Variants in ABCC8 observed in about 807,000 individuals in gnomAD.
The protein encoded by ABCC8 is ATP binding cassette subfamily C member 8.
A neutral mutation model predicts 188.0 loss-of-function variants in ABCC8; 137 were observed. The observed-to-expected ratio is 0.73, with a 90% CI of 0.63 to 0.84. The LOEUF is 0.84. ABCC8 is among the 40% of genes least tolerant of loss of function. ABCC8 has a pLI of 0.00. For synonymous variants in ABCC8, 797 were observed against 846.5 expected (o/e 0.94, Z 1.01); for missense variants, 1,750 against 2,072.7 (o/e 0.84, Z 3.02).
At position 17,407,098 on chromosome 11, in the gene ABCC8, G is replaced by T. The variant is rs746987736; in HGVS notation, c.2952C>A (p.Asn984Lys). 1 of 1,613,524 alleles carries T rather than the reference G, an allele frequency of 6.2e-7. No homozygotes were observed. The highest frequency in any genetic ancestry group is 8.5e-7 in the Non-Finnish European group (1 of 1,180,020). Residue 984 changes from asparagine to lysine, a missense_variant, in exon 25 of 39, where the codon AAC becomes AAA. Asn to Lys is a moderately conservative substitution (Grantham distance 94, BLOSUM62 0). Coordinates refer to ENST00000389817, the MANE Select transcript of ABCC8 (RefSeq NM_000352.6). ...CACGCTGGTGCAGCATGGACGACAG[G>T]TTGTCATCCTCCTCGCTCTCAGCTG... ...EEAAESEEDD[N>K]LSSMLHQRAE...
Position 17,397,739 on chromosome 11 carries a change from A to C in ABCC8, c.3812T>G (p.Leu1271Arg), listed in dbSNP as rs778043835. The C allele has an allele frequency of 1.2e-6, 2 of 1,613,848 alleles. No homozygotes were observed. Among genetic ancestry groups the C allele is most frequent in the Non-Finnish European group, 1.7e-6 (2 of 1,179,984 alleles). The change falls in exon 31 of 39, where the codon CTG becomes CGG. Residue 1271 changes from leucine (L) to arginine (R), a missense_variant. Coordinates refer to ENST00000389817, the MANE Select transcript of ABCC8 (RefSeq NM_000352.6). ...IAAVTSISNSLHRELSAGLVG... is the reference protein window; with the variant it reads ...IAAVTSISNSRHRELSAGLVG... The stretch of plus-strand genomic sequence containing the variant: ...CAGGCCAGCAGAGAGCTCCCTGTGC[A>C]GGGAGTTGGAGATGGAGGTCACCGC...
chr11:17,412,677 C>G lies in ABCC8; in HGVS notation c.2545G>C (p.Val849Leu). 1 of 1,611,552 alleles carries G rather than the reference C, an allele frequency of 6.2e-7. No individual in the cohort carries two copies. Among genetic ancestry groups the G allele is most frequent in the Non-Finnish European group, 8.5e-7 (1 of 1,178,816 alleles). ...GAACTTGCACTCACCAAGAAGACAA[C>G]GTTGGCGTGCTGGTAGAGGGCTCGG... Reference protein sequence around the residue: ...VARALYQHANVVFLDDPFSAL... With the variant: ...VARALYQHANLVFLDDPFSAL... Residue 849 changes from valine to leucine, a missense_variant, in exon 21 of 39, where the codon GTT (valine) becomes CTT (leucine). Physicochemically the swap from Val to Leu is conservative, Grantham distance 32. Coordinates refer to ENST00000389817, the MANE Select transcript of ABCC8 (RefSeq NM_000352.6).
intron 33 of ABCC8, 153 bp downstream of exon 33, chr11:17,396,763 C>T (rs1166997324): frequency 5.2e-6 from 5 of 968,882 alleles, no homozygotes; most frequent in Non-Finnish European, 7.6e-6. Flanking sequence ...GATGGGCCCC[C>T]ACAGGCCCAG....
chr11:17,392,873 T>C (rs142441893), downstream of ABCC8: 1,130 of 1,290,168 alleles, frequency 8.8e-4, 3 homozygotes, highest in Non-Finnish European at 9.5e-4. Context: ...CCACCAGACT[T>C]AGGGCCTCTA....
intron 5 of ABCC8, 176 bp downstream of exon 5, chr11:17,461,407 C>T: frequency 1.3e-6 from 1 of 795,626 alleles, no homozygotes; most frequent in Non-Finnish European, 2.1e-6. Flanking sequence ...TATGAATCCT[C>T]AGCCCTGCAC....
Position 17,396,903 on chromosome 11 carries a change from C to T in ABCC8, c.4119+13G>A, listed in dbSNP as rs1169679238. 1 of 1,613,518 alleles carries T rather than the reference C, an allele frequency of 6.2e-7. No individual in the cohort carries two copies. Among genetic ancestry groups the T allele is most frequent in the Non-Finnish European group, 8.5e-7 (1 of 1,179,992 alleles). On this transcript the variant is annotated intron_variant, in intron 33 of 38. Transcript: ENST00000389817. ...GCCTGTCCTGCAGCATTGGGTTGGG[C>T]CCGTGCTCTGACCTTCTGTCCAGGG...
chr11:17,421,670 C>T (rs1213877754), intron 16 of ABCC8, among the ~76,000 whole-genome samples: 2 of 152,120 alleles, frequency 1.3e-5, no homozygotes, highest in Non-Finnish European at 2.9e-5. Context: ...CTAGGTTAAT[C>T]CTCACATCAA....
At position 17,404,846 on chromosome 11, in the gene ABCC8, C is replaced by T; in HGVS notation, c.3400-177G>A. ...GCGTAATCTCGGTTCACGGCAGCCT[C>T]TGCCCCTTGGGTTCAAATGATTCTC... On this transcript the variant is annotated intron_variant, in intron 27 of 38. Coordinates refer to ENST00000389817, the MANE Select transcript of ABCC8 (RefSeq NM_000352.6). This position sits in a 1 kb window ranked among gnomAD's most constrained non-coding sequence, Gnocchi z 4.7. 1 of 570,022 alleles carries T rather than the reference C, an allele frequency of 1.8e-6. No homozygotes were observed. The highest frequency in any genetic ancestry group is 6.3e-5 in the Admixed American group (1 of 15,758). 35.3% of individuals were successfully genotyped at this position (570,022 alleles called of 1,614,324 possible).
At chr11:17,407,543 C>T in intron 23 of ABCC8, 90 bp from the exon 24 acceptor site, 1 of 1,584,840 alleles carries the variant, frequency 6.3e-7, no homozygotes, top group Non-Finnish European at 8.6e-7. Flanking sequence ...CTGGTGATGA[C>T]CAATGTCAGA....
At chr11:17,401,338 T>A (rs1954230763) in intron 29 of ABCC8, among the ~76,000 whole-genome samples, 1 of 152,206 alleles carries the variant, frequency 6.6e-6, no homozygotes, top group South Asian at 2.1e-4. Flanking sequence ...AGCATAGGCT[T>A]GTCCAGGGGC....
At chr11:17,413,596 A>G in intron 19 of ABCC8, 118 bp from the exon 20 acceptor site, 1 of 1,599,246 alleles carries the variant, frequency 6.3e-7, no homozygotes, top group Non-Finnish European at 8.5e-7. Context: ...TGGCTTTAAT[A>G]GGCCTCCCGC....
rs1955886360 is a variant in ABCC8, at chr11:17,432,328, G to A, written c.1631-84C>T. On this transcript the variant is annotated intron_variant, in intron 10 of 38. Coordinates refer to ENST00000389817, the MANE Select transcript of ABCC8 (RefSeq NM_000352.6). ...ATGCCCAGGATGGCTTGGAGGCAGC[G>A]CAGTCCAGTGGGGCCAGCCTGTGGG... The A allele has an allele frequency of 5.2e-6, 8 of 1,550,572 alleles. No individual in the cohort carries two copies. In the East Asian group the frequency reaches 7.3e-5, roughly 14 times the overall value.
chr11:17,426,871 G>A (rs898725079), intron 16 of ABCC8, among the ~76,000 whole-genome samples, 178 bp downstream of exon 16: 1 of 152,178 alleles, frequency 6.6e-6, no homozygotes, highest in Non-Finnish European at 1.5e-5. Context: ...AAGAACCTGC[G>A]CATAGTAAGA....
chr11:17,417,338 T>A (rs1042235270), intron 16 of ABCC8, among the ~76,000 whole-genome samples: 1 of 152,064 alleles, frequency 6.6e-6, no homozygotes, highest in Admixed American at 6.6e-5. Flanking sequence ...AATCATTGGG[T>A]CTGGAATAAG....
At chr11:17,441,132 C>T (rs986601110) in intron 10 of ABCC8, among the ~76,000 whole-genome samples, 4 of 152,120 alleles carry the variant, frequency 2.6e-5, no homozygotes, top group African/African-American at 9.7e-5. Context: ...TCTTAATTTC[C>T]TACCCTAATT....
At chr11:17,443,011 C>G (rs1051863207) in intron 9 of ABCC8, 129 bp from the exon 10 acceptor site, 155 of 1,529,016 alleles carry the variant, frequency 1.0e-4, no homozygotes, top group Non-Finnish European at 1.2e-4. Context: ...CCTCCTCCCC[C>G]ATTGACTCCA....
At chr11:17,443,376 C>CA (rs1466469062) in intron 8 of ABCC8, 64 bp from the exon 9 acceptor site, 4 of 1,611,538 alleles carry the variant, frequency 2.5e-6, no homozygotes, top group Non-Finnish European at 3.4e-6. Flanking sequence ...GAGGTGCTGG[C>CA]AAAATCCCTG....
intron 6 of ABCC8, among the ~76,000 whole-genome samples, chr11:17,454,546 G>A (rs1254962781): frequency 6.6e-6 from 1 of 152,194 alleles, no homozygotes; most frequent in Admixed American, 6.5e-5. Context: ...GAAGGTAGAA[G>A]GGCAGGGGTG....
At position 17,395,017 on chromosome 11, in the gene ABCC8, T is replaced by C. The variant is rs1040885922; in HGVS notation, c.4411+155A>G. ...GACCTGGGGCAAGACACCTGACCTC[T>C]CTGGGCCCCCGTATAGTGAGAAGTA... On this transcript the variant is annotated intron_variant, in intron 36 of 38. Coordinates refer to ENST00000389817, the MANE Select transcript of ABCC8 (RefSeq NM_000352.6). The C allele has an allele frequency of 5.1e-6, 5 of 976,516 alleles. No homozygotes were observed. In the South Asian group the frequency reaches 7.7e-5, roughly 15 times the overall value. The allele number at this position is 976,516 out of a possible 1,614,324, so 60.5% of individuals were successfully genotyped here. A position where few individuals can be genotyped will look rare whatever the true frequency, so the allele number is the denominator to read the frequency against.
Sources: gnomAD v4.1 joint callset for allele counts (sites outside exome capture counted in the v4.1 genomes callset) on GRCh38, gnomAD v4.1.1 for gene constraint, Gnocchi (gnomAD v3.1) non-coding constraint, MANE v1.5 for transcripts, NCBI Gene and HGNC (gene_info 2026-07-23, HGNC 2026-07-21) for gene names.